GMPR: variants seen among roughly 807,000 people sequenced by gnomAD.
GMPR encodes the protein guanosine monophosphate reductase.
Under a neutral mutation model 38.4 loss-of-function variants are expected in GMPR, and 31 were observed. That is an observed-to-expected ratio of 0.81 (90% CI 0.61 to 1.09). The LOEUF (loss-of-function observed/expected upper bound fraction) is 1.09. Ranked by LOEUF, GMPR falls within the 50% of genes least tolerant of loss-of-function variation. The probability of loss-of-function intolerance (pLI) is 0.00; values close to 1 mark genes in which losing one functional copy is unlikely to be tolerated. For synonymous variants in GMPR, 162 were observed against 173.3 expected (o/e 0.93, Z 0.51); for missense variants, 468 against 453.7 (o/e 1.03, Z -0.29).
chr6:16,291,666 T>G (rs1759842956), intron 8 of GMPR, among the ~76,000 whole-genome samples: 1 of 152,160 alleles, frequency 6.6e-6, no homozygotes, highest in Non-Finnish European at 1.5e-5. Context: ...ATCCCAGTGC[T>G]TCCAGCAGCC....
intron 4 of GMPR, among the ~76,000 whole-genome samples, chr6:16,256,071 C>T (rs1171458116): frequency 1.3e-5 from 2 of 150,962 alleles, no homozygotes; most frequent in African/African-American, 2.4e-5. Flanking sequence ...CAAAAATTAG[C>T]CAGCCGTGAT....
chr6:16,247,419 G>C (rs1363257663), intron 2 of GMPR, among the ~76,000 whole-genome samples: 1 of 151,386 alleles, frequency 6.6e-6, no homozygotes, highest in Non-Finnish European at 1.5e-5. Flanking sequence ...GTGTCGCCCA[G>C]GCTGGAGTAC....
intron 4 of GMPR, among the ~76,000 whole-genome samples, chr6:16,266,541 G>A (rs1309841060): frequency 6.6e-6 from 1 of 151,006 alleles, no homozygotes; most frequent in African/African-American, 2.4e-5. Context: ...GGTGGCTCAC[G>A]CCTGTAATCC....
intron 4 of GMPR, among the ~76,000 whole-genome samples, chr6:16,271,152 C>T (rs957341398): frequency 6.6e-6 from 1 of 151,982 alleles, no homozygotes; most frequent in Non-Finnish European, 1.5e-5. Flanking sequence ...TAAAATGGTT[C>T]GCAGGTGGCG....
chr6:16,242,830 G>T (rs1758677312), intron 1 of GMPR, among the ~76,000 whole-genome samples: 2 of 152,094 alleles, frequency 1.3e-5, no homozygotes. Flanking sequence ...TAGAGACAGG[G>T]TTTCTCCATG....
At chr6:16,248,106 C>CAGGTGTGGTGG (rs1554131874) in intron 2 of GMPR, among the ~76,000 whole-genome samples, 4 of 151,366 alleles carry the variant, frequency 2.6e-5, no homozygotes, top group Non-Finnish European at 5.9e-5. Context: ...TGGTGTGAGC[C>CAGGTGTGGTGG]TGTAGTCCCA....
chr6:16,266,061 G>A (rs890349791), intron 4 of GMPR, among the ~76,000 whole-genome samples: 7 of 151,946 alleles, frequency 4.6e-5, no homozygotes, highest in African/African-American at 4.8e-5. Context: ...CCCAGTGGGA[G>A]GAATGAACAA....
At chr6:16,284,673 A>G (rs1335584392) in intron 6 of GMPR, among the ~76,000 whole-genome samples, 1 of 152,100 alleles carries the variant, frequency 6.6e-6, no homozygotes, top group African/African-American at 2.4e-5. Flanking sequence ...CCCAGGCTAC[A>G]TTAGGAATAG....
At chr6:16,289,847 A>ATTTTTTTTTTTTTTTTTTTTTT (rs1438743321) in intron 7 of GMPR, 1 of 90,122 alleles carries the variant, frequency 1.1e-5, no homozygotes, top group Non-Finnish European at 2.1e-5. Context: ...GATACTGCCC[A>ATTTTTTTTTTTTTTTTTTTTTT]ATTTTTTTTT....
At chr6:16,268,408 A>ACTG (rs1335887914) in intron 4 of GMPR, among the ~76,000 whole-genome samples, 1 of 152,054 alleles carries the variant, frequency 6.6e-6, no homozygotes, top group African/African-American at 2.4e-5. Context: ...TCCGCCTCCC[A>ACTG]GGTTCAAGTG....
At position 16,240,332 on chromosome 6, in the gene GMPR, C is replaced by T. The variant is rs138473538; in HGVS notation, c.87+1552C>T. Among the ~76,000 whole-genome samples the T allele has an allele frequency of 2.6e-5, 4 of 152,170 alleles. No homozygotes were observed. The East Asian group carries it at 5.8e-4, about 22-fold the overall frequency. Reference sequence around the variant, plus strand: ...GAAGGATTGCTTGAGGCCAGGAGTTCGAGGCCAGCCTAGGCAACAAAGCAA... The same window carrying T: ...GAAGGATTGCTTGAGGCCAGGAGTTTGAGGCCAGCCTAGGCAACAAAGCAA... On this transcript the variant is annotated intron_variant, in intron 1 of 8. Transcript: ENST00000259727.
rs565023769 is a variant in GMPR, at chr6:16,266,604, C to G, written c.466-7811C>G. Among the ~76,000 whole-genome samples, 19 of 151,552 alleles carry G rather than the reference C, an allele frequency of 1.3e-4. No homozygotes were observed. The South Asian group carries it at 1.7e-3, about 13-fold the overall frequency. ...GATCACCAGGTCAGGAGATCATAAC[C>G]ATCCTGGCTAACACGGTGAAACCCC... On this transcript the variant is annotated intron_variant, in intron 4 of 8. Coordinates refer to ENST00000259727, the MANE Select transcript of GMPR (RefSeq NM_006877.4).
At chr6:16,289,112 C>G (rs180024) in intron 7 of GMPR, among the ~76,000 whole-genome samples, 3 of 152,300 alleles carry the variant, frequency 2.0e-5, no homozygotes, top group South Asian at 4.1e-4. Flanking sequence ...TGTTGCTGCT[C>G]GGTCTTTAGG....
intron 4 of GMPR, among the ~76,000 whole-genome samples, chr6:16,260,548 G>GGGAA (rs1427056709): frequency 6.6e-6 from 1 of 152,026 alleles, no homozygotes; most frequent in Admixed American, 6.6e-5. Context: ...TTGATGTGTG[G>GGGAA]GGAAGGGAAG....
At chr6:16,251,493 C>T (rs111320467) in intron 3 of GMPR, among the ~76,000 whole-genome samples, 5,041 of 152,286 alleles carry the variant, frequency 0.033, 182 homozygotes, top group East Asian at 0.14. Flanking sequence ...TTGCTTTAAC[C>T]CCGGAGGCAG....
chr6:16,244,913 A>G (rs1581644980), intron 1 of GMPR, among the ~76,000 whole-genome samples: 1 of 152,202 alleles, frequency 6.6e-6, no homozygotes, highest in Non-Finnish European at 1.5e-5. Flanking sequence ...GCCCTTTTCC[A>G]TGAAGAGCTC....
chr6:16,249,935 T>C (rs189393895), intron 2 of GMPR, among the ~76,000 whole-genome samples: 8 of 152,340 alleles, frequency 5.3e-5, no homozygotes, highest in African/African-American at 1.7e-4. Flanking sequence ...TGGTTTTCTC[T>C]TTGGACCATC....
rs1230979054 is a variant in GMPR, at chr6:16,285,815, G to T, written c.677G>T (p.Gly226Val). The part of the protein sequence containing the change: ...IISDGGCTCP[G>V]DVAKAFGAGA... ...AAGGATGGAGGCTGTACGTGTCCAGGGGATGTCGCCAAAGCCTTTGGTAAG... is the reference window on the plus strand; with the variant it reads ...AAGGATGGAGGCTGTACGTGTCCAGTGGATGTCGCCAAAGCCTTTGGTAAG... The change falls in exon 7 of 9, where the codon GGG becomes GTG. Residue 226 changes from glycine (G) to valine (V), a missense_variant. Gly to Val is a moderately radical substitution (Grantham distance 109). Transcript: ENST00000259727. 1 of 1,613,146 alleles carries T rather than the reference G, an allele frequency of 6.2e-7. No individual in the cohort carries two copies. The highest frequency in any genetic ancestry group is 2.2e-5 in the East Asian group (1 of 44,834).
intron 7 of GMPR, among the ~76,000 whole-genome samples, chr6:16,288,940 C>G (rs1330959108): frequency 2.0e-5 from 3 of 152,212 alleles, no homozygotes; most frequent in African/African-American, 7.2e-5. Context: ...ACACACCAAT[C>G]AGCGCCCTGA....
Sources: allele counts gnomAD v4.1 joint callset (sites outside exome capture counted in the v4.1 genomes callset), GRCh38; gene constraint gnomAD v4.1.1; transcripts MANE v1.5; gene names NCBI Gene and HGNC (gene_info 2026-07-23, HGNC 2026-07-21).